KCNAB1: variants seen among roughly 807,000 people sequenced by gnomAD.
The protein encoded by KCNAB1 is voltage-gated potassium channel subunit beta-1.
Under a neutral mutation model 64.6 loss-of-function variants are expected in KCNAB1, and 35 were observed. The ratio of observed to expected loss-of-function variants is 0.54; its 90% CI spans 0.41 to 0.72. KCNAB1 has a LOEUF of 0.72. Among genes scored for constraint, KCNAB1 ranks in the 30% least tolerant of loss-of-function variants. KCNAB1 has a pLI of 0.00. For missense variants in KCNAB1, 401 were observed against 512.9 expected (o/e 0.78, Z 2.11); for synonymous variants, 177 against 183.8 (o/e 0.96, Z 0.30).
intron 1 of KCNAB1, among the ~76,000 whole-genome samples, chr3:156,245,133 A>G (rs752151624): frequency 1.3e-5 from 2 of 152,168 alleles, no homozygotes; most frequent in African/African-American, 2.4e-5. Flanking sequence ...CAGAGATTCT[A>G]TGGTTAAATA....
At chr3:156,150,532 G>A (rs1002507284) in intron 1 of KCNAB1, among the ~76,000 whole-genome samples, 2 of 152,072 alleles carry the variant, frequency 1.3e-5, no homozygotes, top group Non-Finnish European at 2.9e-5. Flanking sequence ...TGTTGACAGC[G>A]GTTTCGTCTG....
chr3:156,310,215 A>G (rs931012301), intron 1 of KCNAB1, among the ~76,000 whole-genome samples: 3 of 152,214 alleles, frequency 2.0e-5, no homozygotes, highest in Non-Finnish European at 2.9e-5. Context: ...GGAGACTCCA[A>G]GAGAATCACT....
At chr3:156,468,313 C>G (rs1384315833) in intron 7 of KCNAB1, among the ~76,000 whole-genome samples, 2 of 152,070 alleles carry the variant, frequency 1.3e-5, no homozygotes, top group African/African-American at 4.8e-5. Context: ...TATATGTATT[C>G]TTTCTTGATT....
chr3:156,160,275 A>G (rs1715998117), intron 1 of KCNAB1, among the ~76,000 whole-genome samples: 1 of 152,244 alleles, frequency 6.6e-6, no homozygotes, highest in African/African-American at 2.4e-5. Context: ...GTGAGTGACT[A>G]TACAATTTAA....
chr3:156,476,711 A>G (rs764983926), intron 8 of KCNAB1, among the ~76,000 whole-genome samples: 17 of 152,224 alleles, frequency 1.1e-4, no homozygotes, highest in Middle Eastern at 3.4e-3. Flanking sequence ...TCTTTAAGGA[A>G]TATTCACACT....
At chr3:156,187,649 C>T (rs992219135) in intron 1 of KCNAB1, among the ~76,000 whole-genome samples, 2 of 152,204 alleles carry the variant, frequency 1.3e-5, no homozygotes, top group Non-Finnish European at 2.9e-5. Flanking sequence ...GACTCCACTT[C>T]CTAATGATCT....
intron 1 of KCNAB1, among the ~76,000 whole-genome samples, chr3:156,248,977 G>T (rs1717637639): frequency 6.6e-6 from 1 of 151,596 alleles, no homozygotes; most frequent in Non-Finnish European, 1.5e-5. Flanking sequence ...GCAGATTACT[G>T]GGCACTAAGA....
At chr3:156,335,531 T>C (rs1723630594) in intron 1 of KCNAB1, among the ~76,000 whole-genome samples, 1 of 152,246 alleles carries the variant, frequency 6.6e-6, no homozygotes, top group South Asian at 2.1e-4. Context: ...TTGCATGTCC[T>C]AGCACATATT....
chr3:156,512,268 C>G (rs965990785), intron 8 of KCNAB1, among the ~76,000 whole-genome samples: 6 of 152,176 alleles, frequency 3.9e-5, no homozygotes, highest in African/African-American at 1.4e-4. Flanking sequence ...GCTTTTAATA[C>G]TTGTGTGTTG....
chr3:156,329,265 A>G (rs772120471), intron 1 of KCNAB1, among the ~76,000 whole-genome samples: 1 of 151,990 alleles, frequency 6.6e-6, no homozygotes, highest in Non-Finnish European at 1.5e-5. Flanking sequence ...TCCTTCCCCC[A>G]CCACCTAATG....
At chr3:156,446,310 A>T (rs1236284056) in intron 2 of KCNAB1, among the ~76,000 whole-genome samples, 1 of 152,178 alleles carries the variant, frequency 6.6e-6, no homozygotes, top group Non-Finnish European at 1.5e-5. Context: ...CGCAATTTAG[A>T]GGGATGCTCC....
At chr3:156,319,420 C>A (rs1722508194) in intron 1 of KCNAB1, among the ~76,000 whole-genome samples, 1 of 152,170 alleles carries the variant, frequency 6.6e-6, no homozygotes, top group Admixed American at 6.5e-5. Context: ...GTGAGCATGG[C>A]AAATGGTACA....
chr3:156,182,705 T>A (rs1335320220), intron 1 of KCNAB1, among the ~76,000 whole-genome samples: 5 of 150,386 alleles, frequency 3.3e-5, no homozygotes, highest in Non-Finnish European at 7.4e-5. Context: ...ATTTTTTTTT[T>A]TTTTTTTTAT....
At chr3:156,341,725 A>G (rs1724129004) in intron 1 of KCNAB1, among the ~76,000 whole-genome samples, 1 of 152,226 alleles carries the variant, frequency 6.6e-6, no homozygotes, top group Non-Finnish European at 1.5e-5. Context: ...AAATATAGAA[A>G]GAAATATATT....
chr3:156,423,779 G>A (rs1715628141), intron 2 of KCNAB1, among the ~76,000 whole-genome samples: 1 of 152,114 alleles, frequency 6.6e-6, no homozygotes. Context: ...TGGTGGAGTT[G>A]GCATTTAAAC....
chr3:156,121,134 G>C (rs1484016727), intron 1 of KCNAB1, among the ~76,000 whole-genome samples: 1 of 152,196 alleles, frequency 6.6e-6, no homozygotes, highest in Non-Finnish European at 1.5e-5. Flanking sequence ...GAGCTGACAG[G>C]ACAAAAGAGC....
At chr3:156,442,696 A>G (rs1353028557) in intron 2 of KCNAB1, among the ~76,000 whole-genome samples, 1 of 152,126 alleles carries the variant, frequency 6.6e-6, no homozygotes, top group East Asian at 1.9e-4. Flanking sequence ...TCCCCATCCC[A>G]GCCTTTCCTA....
intron 1 of KCNAB1, among the ~76,000 whole-genome samples, chr3:156,278,478 G>A (rs1440217545): frequency 6.6e-6 from 1 of 152,136 alleles, no homozygotes; most frequent in Non-Finnish European, 1.5e-5. Context: ...TGAGATAATG[G>A]ATGTGGAAGT....
intron 1 of KCNAB1, among the ~76,000 whole-genome samples, chr3:156,125,104 C>T (rs1577608518): frequency 1.3e-5 from 2 of 151,746 alleles, no homozygotes; most frequent in South Asian, 2.1e-4. Flanking sequence ...CTCCACTGCA[C>T]TCCAGCCTGG....
Sources: gnomAD v4.1 joint callset for allele counts (sites outside exome capture counted in the v4.1 genomes callset) on GRCh38, gnomAD v4.1.1 for gene constraint, MANE v1.5 for transcripts, NCBI Gene and HGNC (gene_info 2026-07-23, HGNC 2026-07-21) for gene names.